MAML3: variants seen among roughly 807,000 people sequenced by gnomAD.
MAML3 encodes the protein mastermind-like protein 3.
Under a neutral mutation model 101.9 loss-of-function variants are expected in MAML3, and 27 were observed. The ratio of observed to expected loss-of-function variants is 0.27; its 90% CI spans 0.20 to 0.37. The LOEUF (loss-of-function observed/expected upper bound fraction) is 0.37, where lower values mean the gene tolerates loss of function less well. Among genes scored for constraint, MAML3 ranks in the 10% least tolerant of loss-of-function variants. MAML3 has a pLI of 1.00. For missense variants in MAML3, 1,316 were observed against 1,444.9 expected (o/e 0.91, Z 1.45); for synonymous variants, 501 against 555.9 (o/e 0.90, Z 1.39).
At chr4:139,967,528 C>G (rs986644970) in intron 1 of MAML3, among the ~76,000 whole-genome samples, 4 of 149,666 alleles carry the variant, frequency 2.7e-5, no homozygotes, top group African/African-American at 9.8e-5. Flanking sequence ...TATTCTTCAT[C>G]CCCGGCAGTT....
chr4:139,943,864 C>CTTTTTTTTTTTTTTTTTTTTTTTTTTTTT lies in MAML3; in HGVS notation c.469-52898_469-52897insAAAAAAAAAAAAAAAAAAAAAAAAAAAAA, dbSNP rs10644498. Among the ~76,000 whole-genome samples the CTTTTTTTTTTTTTTTTTTTTTTTTTTTTT allele has an allele frequency of 2.0e-4, 13 of 65,864 alleles. 2 individuals are homozygous for CTTTTTTTTTTTTTTTTTTTTTTTTTTTTT. The highest frequency in any genetic ancestry group is 2.6e-4 in the Non-Finnish European group (9 of 35,164). 43.2% of individuals were successfully genotyped at this position (65,864 alleles called of 152,430 possible). On this transcript the variant is annotated intron_variant, in intron 1 of 4. Coordinates refer to ENST00000509479, the MANE Select transcript of MAML3 (RefSeq NM_018717.5). ...GGTTGGGTTGTGGGCCTAAAGACAACTTTTTTTTTTTTTTTTTTTTTTTTG... is the reference window on the plus strand; with the variant it reads ...GGTTGGGTTGTGGGCCTAAAGACAACTTTTTTTTTTTTTTTTTTTTTTTTTTTTTTTTTTTTTTTTTTTTTTTTTTTTTG...
chr4:139,875,968 T>C (rs967478435), intron 2 of MAML3, among the ~76,000 whole-genome samples: 7 of 151,304 alleles, frequency 4.6e-5, no homozygotes, highest in Admixed American at 1.3e-4. Context: ...TGCCTATTAC[T>C]TTTCTGATCA....
At chr4:139,877,128 A>T (rs188787331) in intron 2 of MAML3, among the ~76,000 whole-genome samples, 2 of 152,356 alleles carry the variant, frequency 1.3e-5, no homozygotes, top group East Asian at 3.9e-4. Context: ...TGACTAAATA[A>T]AACATATAGG....
At chr4:139,893,610 C>T (rs1732546601) in intron 1 of MAML3, among the ~76,000 whole-genome samples, 1 of 152,134 alleles carries the variant, frequency 6.6e-6, no homozygotes, top group African/African-American at 2.4e-5. Context: ...GAGTTTGAAT[C>T]TGAGCAGGAG....
chr4:140,092,104 G>GTATATATATATATATATACGTATATA (rs1416440469), intron 1 of MAML3, among the ~76,000 whole-genome samples: 64 of 79,160 alleles, frequency 8.1e-4, no homozygotes, highest in African/African-American at 2.5e-3. Context: ...ATATATATAC[G>GTATATATATATATATATACGTATATA]TATATATATA....
intron 1 of MAML3, among the ~76,000 whole-genome samples, chr4:139,975,645 A>C (rs11100399): frequency 6.6e-6 from 1 of 152,058 alleles, no homozygotes; most frequent in Non-Finnish European, 1.5e-5. Context: ...TGTATGTCTC[A>C]AGCCTAGAAC....
At chr4:140,115,296 G>A (rs1728500570) in intron 1 of MAML3, among the ~76,000 whole-genome samples, 1 of 152,104 alleles carries the variant, frequency 6.6e-6, no homozygotes, top group African/African-American at 2.4e-5. Flanking sequence ...TCTTCCTCCT[G>A]AAACTCAAGT....
chr4:139,862,118 G>C (rs1041890254), intron 2 of MAML3, among the ~76,000 whole-genome samples: 1 of 152,086 alleles, frequency 6.6e-6, no homozygotes, highest in African/African-American at 2.4e-5. Flanking sequence ...CTGAGACAGG[G>C]GAATTGCTTG....
At chr4:140,047,562 A>C (rs1727202289) in intron 1 of MAML3, among the ~76,000 whole-genome samples, 1 of 152,214 alleles carries the variant, frequency 6.6e-6, no homozygotes, top group African/African-American at 2.4e-5. Flanking sequence ...GGCTGAGCAC[A>C]AAATAGAAGA....
intron 1 of MAML3, among the ~76,000 whole-genome samples, chr4:140,109,542 A>G (rs1198311309): frequency 1.3e-5 from 2 of 152,210 alleles, no homozygotes; most frequent in African/African-American, 4.8e-5. Flanking sequence ...AACCATGTGT[A>G]TGCAGACAGC....
At position 139,943,864 on chromosome 4, in the gene MAML3, C is replaced by CTTTTTTTTTTTTTT. The variant is rs10644498; in HGVS notation, c.469-52911_469-52898dup. Among the ~76,000 whole-genome samples the CTTTTTTTTTTTTTT allele has an allele frequency of 2.6e-4, 17 of 65,864 alleles. 5 individuals carry two copies. The highest frequency in any genetic ancestry group is 7.0e-4 in the African/African-American group (12 of 17,084). 43.2% of individuals were successfully genotyped at this position (65,864 alleles called of 152,430 possible). A position where few individuals can be genotyped will look rare whatever the true frequency, so the allele number is the denominator to read the frequency against. The stretch of plus-strand genomic sequence containing the variant: ...GGTTGGGTTGTGGGCCTAAAGACAA[C>CTTTTTTTTTTTTTT]TTTTTTTTTTTTTTTTTTTTTTTTG... On this transcript the variant is annotated intron_variant, in intron 1 of 4. Transcript: ENST00000509479.
At chr4:139,812,080 C>A (rs906419236) in intron 2 of MAML3, among the ~76,000 whole-genome samples, 14 of 152,172 alleles carry the variant, frequency 9.2e-5, no homozygotes, top group African/African-American at 3.4e-4. Flanking sequence ...CAGAGCTAGA[C>A]CCTGTCTCTA....
At chr4:140,122,563 C>T (rs528604199) in intron 1 of MAML3, among the ~76,000 whole-genome samples, 109 of 151,926 alleles carry the variant, frequency 7.2e-4, no homozygotes, top group Non-Finnish European at 1.3e-3. Flanking sequence ...GAGGCCGAGG[C>T]GGGCGGATCA....
intron 1 of MAML3, among the ~76,000 whole-genome samples, chr4:140,076,265 G>C (rs1336886539): frequency 6.6e-6 from 1 of 152,064 alleles, no homozygotes; most frequent in East Asian, 1.9e-4. Context: ...GATCAAATAA[G>C]ATATTATGGG....
At chr4:139,789,684 A>AT (rs999277497) in intron 2 of MAML3, among the ~76,000 whole-genome samples, 8 of 150,612 alleles carry the variant, frequency 5.3e-5, no homozygotes, top group African/African-American at 1.2e-4. Context: ...GTGATATATA[A>AT]TTTTTTTTTT....
chr4:139,954,989 AC>A (rs780071428), intron 1 of MAML3, among the ~76,000 whole-genome samples: 3 of 152,194 alleles, frequency 2.0e-5, no homozygotes, highest in Non-Finnish European at 2.9e-5. Flanking sequence ...GCTAACATCT[AC>A]CATTTTTTTA....
At chr4:139,723,319 C>CT (rs1728330873) in intron 4 of MAML3, among the ~76,000 whole-genome samples, 1 of 151,788 alleles carries the variant, frequency 6.6e-6, no homozygotes, top group South Asian at 2.1e-4. Flanking sequence ...TTTTTTGTTT[C>CT]TTTTTTCTGG....
At chr4:139,988,520 G>A (rs371225820) in intron 1 of MAML3, among the ~76,000 whole-genome samples, 5 of 152,120 alleles carry the variant, frequency 3.3e-5, no homozygotes, top group Admixed American at 6.5e-5. Context: ...AAAAATTCCC[G>A]TTTCATGAGC....
chr4:139,903,368 C>T (rs1578589327), intron 1 of MAML3, among the ~76,000 whole-genome samples: 2 of 152,176 alleles, frequency 1.3e-5, no homozygotes, highest in African/African-American at 2.4e-5. Flanking sequence ...CCTACTCCAA[C>T]CTCTGAAAAC....
Sources: gnomAD v4.1 joint callset for allele counts (sites outside exome capture counted in the v4.1 genomes callset) on GRCh38, gnomAD v4.1.1 for gene constraint, MANE v1.5 for transcripts, NCBI Gene and HGNC (gene_info 2026-07-23, HGNC 2026-07-21) for gene names.